RPS6KC1: variants seen among roughly 807,000 people sequenced by gnomAD.
The protein encoded by RPS6KC1 is ribosomal protein S6 kinase C1.
A neutral mutation model predicts 103.8 loss-of-function variants in RPS6KC1; 54 were observed. That is an observed-to-expected ratio of 0.52 (90% CI 0.42 to 0.65). The LOEUF (loss-of-function observed/expected upper bound fraction) is 0.65. RPS6KC1 is among the 30% of genes least tolerant of loss of function. RPS6KC1 has a pLI of 0.00. For missense variants in RPS6KC1, 1,151 were observed against 1,253.8 expected (o/e 0.92, Z 1.24); for synonymous variants, 439 against 438.7 (o/e 1.00, Z -0.01).
chr1:213,399,610 C>T, the RPS6KC1 span, among the ~76,000 whole-genome samples: 2 of 152,204 alleles, frequency 1.3e-5, no homozygotes, highest in South Asian at 2.1e-4. Context: ...ATCCAGACCT[C>T]GAACTGACAG....
chr1:213,203,427 T>C (rs2093235165), intron 8 of RPS6KC1, among the ~76,000 whole-genome samples: 1 of 152,170 alleles, frequency 6.6e-6, no homozygotes, highest in African/African-American at 2.4e-5. Flanking sequence ...GATTTCACTG[T>C]CATTTTAATG....
chr1:213,310,924 C>A, the RPS6KC1 span, among the ~76,000 whole-genome samples: 2 of 152,112 alleles, frequency 1.3e-5, no homozygotes, highest in Admixed American at 6.5e-5. Flanking sequence ...TCCTGTCCCC[C>A]TTTGCCAGGG....
chr1:213,428,511 TTCCTTC>T, the RPS6KC1 span, among the ~76,000 whole-genome samples: 734 of 64,044 alleles, frequency 0.011, 14 homozygotes, highest in African/African-American at 0.031. Flanking sequence ...CCTTCCTTCC[TTCCTTC>T]CTCTTTCTCT....
the RPS6KC1 span, among the ~76,000 whole-genome samples, chr1:213,349,257 A>G: frequency 1.3e-5 from 2 of 152,172 alleles, no homozygotes; most frequent in African/African-American, 4.8e-5. Context: ...ATAACCCAAA[A>G]ATATTATTGA....
At chr1:213,509,660 A>T in the RPS6KC1 span, among the ~76,000 whole-genome samples, 105 of 152,336 alleles carry the variant, frequency 6.9e-4, no homozygotes, top group Non-Finnish European at 1.2e-3. Context: ...TGGAATGTAC[A>T]CATGTAGAAT....
chr1:213,272,671 C>T lies in RPS6KC1; in HGVS notation c.*37C>T. ...GGTTATCTTCACACATTCTGATCTT[C>T]TCTGTGACAGGCATCTCCAGCACTG... On this transcript the variant is annotated 3_prime_UTR_variant, in exon 15 of 15. Transcript: ENST00000366960. 6.7e-7 allele frequency: 1 copy of T among 1,488,036 alleles called. No homozygotes were observed. Among genetic ancestry groups the T allele is most frequent in the Non-Finnish European group, 9.4e-7 (1 of 1,065,902 alleles). The allele number at this position is 1,488,036 out of a possible 1,614,324, so 92.2% of individuals were successfully genotyped here. A position where few individuals can be genotyped will look rare whatever the true frequency, so the allele number is the denominator to read the frequency against.
At chr1:213,529,961 T>C in the RPS6KC1 span, among the ~76,000 whole-genome samples, 12 of 152,166 alleles carry the variant, frequency 7.9e-5, no homozygotes, top group African/African-American at 2.9e-4. Context: ...CTTAGAGCTT[T>C]GGGGGCCCAC....
the RPS6KC1 span, among the ~76,000 whole-genome samples, chr1:213,406,254 C>G: frequency 6.6e-6 from 1 of 152,180 alleles, no homozygotes; most frequent in Non-Finnish European, 1.5e-5. Flanking sequence ...GAGATGCTCT[C>G]TCATGGGCAT....
At chr1:213,396,313 G>T in the RPS6KC1 span, among the ~76,000 whole-genome samples, 1 of 152,208 alleles carries the variant, frequency 6.6e-6, no homozygotes, top group African/African-American at 2.4e-5. Context: ...GGTGTCTGGA[G>T]TCAGTGAGGG....
At chr1:213,416,031 C>T in the RPS6KC1 span, among the ~76,000 whole-genome samples, 2 of 152,218 alleles carry the variant, frequency 1.3e-5, no homozygotes, top group Non-Finnish European at 2.9e-5. Context: ...AGAGCTGATT[C>T]CTCATGACCA....
chr1:213,498,642 G>C, the RPS6KC1 span, among the ~76,000 whole-genome samples: 28 of 152,158 alleles, frequency 1.8e-4, no homozygotes, highest in East Asian at 5.0e-3. Context: ...TTTTAGTAGA[G>C]ACAGGGTTTC....
the RPS6KC1 span, among the ~76,000 whole-genome samples, chr1:213,555,944 G>T: frequency 6.6e-6 from 1 of 152,196 alleles, no homozygotes; most frequent in Admixed American, 6.6e-5. Context: ...TGGGGTATGA[G>T]ACTCCATGTC....
At position 213,232,335 on chromosome 1, in the gene RPS6KC1, G is replaced by A. The variant is rs1269303960; in HGVS notation, c.1225+80G>A. The A allele has an allele frequency of 1.4e-5, 22 of 1,540,840 alleles. 1 individual carries two copies. Among genetic ancestry groups the A allele is most frequent in the Non-Finnish European group, 1.9e-5 (21 of 1,114,710 alleles). On this transcript the variant is annotated intron_variant, in intron 10 of 14. Coordinates refer to ENST00000366960, the MANE Select transcript of RPS6KC1 (RefSeq NM_012424.6). ...CCAGTTTCTCTCTGTCATTTCATGAGCAGATAGAATATATGAAACACGTTT... is the reference window on the plus strand; with the variant it reads ...CCAGTTTCTCTCTGTCATTTCATGAACAGATAGAATATATGAAACACGTTT...
the RPS6KC1 span, among the ~76,000 whole-genome samples, chr1:213,814,360 T>C: frequency 6.6e-6 from 1 of 152,228 alleles, no homozygotes; most frequent in Non-Finnish European, 1.5e-5. Context: ...TTGCTGGGCA[T>C]CATCCAACTG....
chr1:213,790,712 C>G, the RPS6KC1 span, among the ~76,000 whole-genome samples: 1 of 152,138 alleles, frequency 6.6e-6, no homozygotes. Flanking sequence ...GAACAGAGAG[C>G]TGTGAAGAGT....
chr1:213,741,356 G>T, the RPS6KC1 span, among the ~76,000 whole-genome samples: 1 of 152,052 alleles, frequency 6.6e-6, no homozygotes, highest in African/African-American at 2.4e-5. Flanking sequence ...TAATACATCT[G>T]CGTTTGTAGC....
At chr1:213,122,636 A>G (rs2084524648) in intron 5 of RPS6KC1, among the ~76,000 whole-genome samples, 1 of 152,164 alleles carries the variant, frequency 6.6e-6, no homozygotes. Flanking sequence ...TTTAAAGTAA[A>G]ATTAAGTGCA....
At chr1:213,550,687 C>CTTG in the RPS6KC1 span, among the ~76,000 whole-genome samples, 1 of 152,190 alleles carries the variant, frequency 6.6e-6, no homozygotes, top group African/African-American at 2.4e-5. Context: ...TGTTAATACG[C>CTTG]TTGTCCTTTG....
At chr1:213,492,567 A>G in the RPS6KC1 span, 3 of 152,242 alleles carry the variant, frequency 2.0e-5, no homozygotes, top group Admixed American at 1.3e-4. Flanking sequence ...TTCCCTTTCT[A>G]CGAAGGAGGT....
Sources: allele counts gnomAD v4.1 joint callset (sites outside exome capture counted in the v4.1 genomes callset), GRCh38; gene constraint gnomAD v4.1.1; transcripts MANE v1.5; gene names NCBI Gene and HGNC (gene_info 2026-07-23, HGNC 2026-07-21).